Variants in HIVEP1 observed in about 807,000 individuals in gnomAD.
The protein encoded by HIVEP1 is HIVEP zinc finger 1, also known as zinc finger protein 40.
In HIVEP1, 36 loss-of-function variants were observed where a neutral mutation model predicts 180.0. The observed-to-expected ratio is 0.20, with a 90% confidence interval of 0.15 to 0.26. HIVEP1 has a LOEUF of 0.26. HIVEP1 is among the 10% of genes least tolerant of loss of function. HIVEP1 has a pLI of 1.00. For missense variants in HIVEP1, 3,143 were observed against 3,268.7 expected, an observed-to-expected ratio of 0.96 and a Z score of 0.94; for synonymous variants, 1,239 against 1,239.0, an observed-to-expected ratio of 1.00 and a Z score of 0.00.
chr6:12,070,543 A>T (rs1771901683), intron 2 of HIVEP1, among the ~76,000 whole-genome samples: 1 of 152,070 alleles, frequency 6.6e-6, no homozygotes, highest in African/African-American at 2.4e-5. Context: ...GAATTTTTCA[A>T]CTCCTTTATA....
chr6:12,013,948 T>C (rs976962284), intron 1 of HIVEP1, among the ~76,000 whole-genome samples: 2 of 152,234 alleles, frequency 1.3e-5, no homozygotes, highest in South Asian at 4.1e-4. Context: ...TCTGTTTCTT[T>C]GCTGTAATGA....
intron 7 of HIVEP1, among the ~76,000 whole-genome samples, chr6:12,147,371 A>G (rs1421277621): frequency 6.6e-6 from 1 of 152,178 alleles, no homozygotes; most frequent in Non-Finnish European, 1.5e-5. Flanking sequence ...TTGATTACAA[A>G]AGTCTGAACC....
At position 12,120,624 on chromosome 6, in the gene HIVEP1, A is replaced by G. The variant is rs2113508141; in HGVS notation, c.829A>G (p.Met277Val). The G allele has an allele frequency of 6.2e-7, 1 of 1,614,210 alleles. No homozygotes were observed. The highest frequency in any genetic ancestry group is 8.5e-7 in the Non-Finnish European group (1 of 1,180,032). Reference sequence around the variant, plus strand: ...TGCTCAGAAGAATGAGCAAGGGGCAATGCAGTCAGCTTCTCATTTGTATCA... The same window carrying G: ...TGCTCAGAAGAATGAGCAAGGGGCAGTGCAGTCAGCTTCTCATTTGTATCA... ...SAAQKNEQGA[M>V]QSASHLYHQH... Residue 277 changes from methionine (M) to valine (V), a missense_variant, in exon 4 of 9, where the codon ATG becomes GTG. Coordinates refer to ENST00000379388, the MANE Select transcript of HIVEP1 (RefSeq NM_002114.4).
rs1424466213 is a variant in HIVEP1 at position 12,125,702 on chromosome 6, A to T, written c.5907A>T (p.Thr1969=). 1.2e-6 allele frequency: 2 copies of T among 1,614,226 alleles called. No individual in the cohort carries two copies. The highest frequency in any genetic ancestry group is 3.3e-5 in the Admixed American group (2 of 60,018). ...AAACTTCAGCCTATACTGATTGGAC[A>T]GTAAGCGCCAGTAATCCAAATCCAC... The part of the protein sequence containing the change: ...DQKTSAYTDW[T]VSASNPNPLG... Residue 1969 remains threonine (T), a synonymous_variant, in exon 4 of 9, where the codon ACA becomes ACT. Transcript: ENST00000379388.
At chr6:12,166,556 G>T (rs1333012436), downstream of HIVEP1, among the ~76,000 whole-genome samples, 1 of 152,098 alleles carries the variant, frequency 6.6e-6, no homozygotes, top group African/African-American at 2.4e-5. Context: ...TTTGAAATAT[G>T]CAGCTCTATA....
chr6:12,076,424 G>C (rs1772356563), intron 2 of HIVEP1, among the ~76,000 whole-genome samples: 2 of 152,300 alleles, frequency 1.3e-5, no homozygotes, highest in South Asian at 4.1e-4. Flanking sequence ...GTTTGTGCTT[G>C]CTGTAACAAA....
the HIVEP1 span, among the ~76,000 whole-genome samples, chr6:12,177,647 A>T: frequency 2.0e-5 from 3 of 152,218 alleles, no homozygotes; most frequent in Non-Finnish European, 4.4e-5. Flanking sequence ...CCAACGTTAG[A>T]AATTTGAAAC....
chr6:12,065,103 T>A (rs1771485469), intron 2 of HIVEP1, among the ~76,000 whole-genome samples: 1 of 152,154 alleles, frequency 6.6e-6, no homozygotes, highest in Non-Finnish European at 1.5e-5. Context: ...AAATGCCAAA[T>A]TGTATGAACT....
chr6:12,112,424 C>T (rs554583627), intron 3 of HIVEP1, among the ~76,000 whole-genome samples: 94 of 151,604 alleles, frequency 6.2e-4, no homozygotes, highest in Non-Finnish European at 1.2e-3. Context: ...CTTATTCTTT[C>T]GTATCATATT....
intron 7 of HIVEP1, 21 bp from the exon 8 acceptor site, chr6:12,161,418 C>T: frequency 6.3e-7 from 1 of 1,598,848 alleles, no homozygotes; most frequent in Non-Finnish European, 8.5e-7. Context: ...CCATCACATA[C>T]CTCTTGGTTG....
intron 2 of HIVEP1, among the ~76,000 whole-genome samples, chr6:12,078,624 T>C (rs571107806): frequency 2.2e-3 from 234 of 108,002 alleles, no homozygotes; most frequent in African/African-American, 8.6e-3. Flanking sequence ...AAAAAATACA[T>C]ACATATATAT....
At chr6:12,150,141 A>G (rs559431306) in intron 7 of HIVEP1, among the ~76,000 whole-genome samples, 1 of 152,330 alleles carries the variant, frequency 6.6e-6, no homozygotes, top group African/African-American at 2.4e-5. Flanking sequence ...TGGGAAGCCT[A>G]ATCCCTCTGC....
chr6:12,121,113 G>C lies in HIVEP1; in HGVS notation c.1318G>C (p.Gly440Arg). ...GERPYPCVTCGFSFKTKSNLY... is the reference protein window; with the variant it reads ...GERPYPCVTCRFSFKTKSNLY... ...GCGACCCTATCCCTGTGTGACTTGT[G>C]GATTTTCATTTAAGACTAAAAGTAA... The change falls in exon 4 of 9, where the codon GGA (glycine) becomes CGA (arginine). Residue 440 changes from glycine (G) to arginine (R), a missense_variant. Coordinates refer to ENST00000379388, the MANE Select transcript of HIVEP1 (RefSeq NM_002114.4). This position sits in a 1 kb window ranked among gnomAD's most constrained non-coding sequence, Gnocchi z 5.3. 6.2e-7 allele frequency: 1 copy of C among 1,614,128 alleles called. No homozygotes were observed.
the HIVEP1 span, among the ~76,000 whole-genome samples, chr6:12,185,385 G>C: frequency 6.6e-6 from 1 of 152,140 alleles, no homozygotes; most frequent in African/African-American, 2.4e-5. Flanking sequence ...CTGCATATAG[G>C]TTCTTTTGAG....
chr6:12,056,843 GT>G (rs1015193739), intron 2 of HIVEP1, among the ~76,000 whole-genome samples: 38 of 143,766 alleles, frequency 2.6e-4, no homozygotes, highest in African/African-American at 3.8e-4. Context: ...TTTTGTTTTT[GT>G]TTTTTTTTTT....
chr6:12,089,869 C>T (rs562641267), intron 3 of HIVEP1, among the ~76,000 whole-genome samples: 14 of 151,170 alleles, frequency 9.3e-5, no homozygotes, highest in Admixed American at 6.6e-4. Flanking sequence ...TATATATATA[C>T]GCATACACAC....
intron 2 of HIVEP1, among the ~76,000 whole-genome samples, chr6:12,058,551 A>G (rs1356206186): frequency 6.6e-6 from 1 of 152,234 alleles, no homozygotes; most frequent in African/African-American, 2.4e-5. Context: ...TATAAAAATG[A>G]ATAAAATATG....
At chr6:12,178,358 G>T in the HIVEP1 span, among the ~76,000 whole-genome samples, 1 of 152,326 alleles carries the variant, frequency 6.6e-6, no homozygotes, top group African/African-American at 2.4e-5. Flanking sequence ...AGAGACCGAG[G>T]TGGGAGGATT....
chr6:12,055,270 C>T (rs781607889), intron 2 of HIVEP1, among the ~76,000 whole-genome samples: 37 of 152,104 alleles, frequency 2.4e-4, no homozygotes, highest in Non-Finnish European at 3.1e-4. Flanking sequence ...GTCAGGAGAT[C>T]GAGACCATCC....
Sources: gnomAD v4.1 joint callset for allele counts (sites outside exome capture counted in the v4.1 genomes callset) on GRCh38, gnomAD v4.1.1 for gene constraint, Gnocchi (gnomAD v3.1) non-coding constraint, MANE v1.5 for transcripts, NCBI Gene and HGNC (gene_info 2026-07-23, HGNC 2026-07-21) for gene names.